BICDL2: variants seen among roughly 807,000 people sequenced by gnomAD.
BICDL2 encodes BICD family-like cargo adapter 2.
In BICDL2, 62 loss-of-function variants were observed where a neutral mutation model predicts 56.6. That is an observed-to-expected ratio of 1.10 (90% confidence interval 0.89 to 1.35). The LOEUF (loss-of-function observed/expected upper bound fraction) is 1.35. Among genes scored for constraint, BICDL2 ranks in the 40% most tolerant of loss-of-function variants. BICDL2 has a pLI of 0.00. For missense variants in BICDL2, 808 were observed against 684.5 expected (o/e 1.18, Z -2.01); for synonymous variants, 358 against 319.8 (o/e 1.12, Z -1.27).
chr16:3,031,453 C>A (rs1184157310), intron 2 of BICDL2: 1 of 530,116 alleles, frequency 1.9e-6, no homozygotes, highest in Non-Finnish European at 3.3e-6. Flanking sequence ...TCGCAAGCGC[C>A]GTTTTTGGCG....
rs939893123 is a variant in BICDL2, at chr16:3,031,066, C to G, written c.367G>C (p.Gly123Arg). 1.4e-5 allele frequency: 22 copies of G among 1,537,634 alleles called. No individual in the cohort carries two copies. The highest frequency in any genetic ancestry group is 6.8e-5 in the African/African-American group (5 of 73,062). ...TGGGCCCGCAGGGCCTCCACGTCCC[C>G]CTCCAGCTCCACGGCCCGGGCCTCC... ...EWEARAVELE[G>R]DVEALRAQLG... Residue 123 changes from glycine to arginine, a missense_variant, in exon 3 of 10, where the codon GGG (glycine) becomes CGG (arginine). Coordinates refer to ENST00000572449, the MANE Select transcript of BICDL2 (RefSeq NM_001369667.1).
intron 2 of BICDL2, among the ~76,000 whole-genome samples, chr16:3,033,662 G>A (rs1299777687): frequency 2.0e-5 from 3 of 152,120 alleles, no homozygotes; most frequent in African/African-American, 7.2e-5. Flanking sequence ...ATGTGTGCCT[G>A]TAGTCCCAAC....
chr16:3,029,718 C>T lies in BICDL2; in HGVS notation c.784G>A (p.Ala262Thr), dbSNP rs746333221. 2.6e-5 allele frequency: 40 copies of T among 1,536,400 alleles called. No individual in the cohort carries two copies. Among genetic ancestry groups the T allele is most frequent in the Admixed American group, 4.0e-5 (2 of 50,196 alleles). ...CGCAGCGCACTCAGCGCCTCCCCAG[C>T]CTCTGACCGTGCGCGTTCCAGCTGT... ...SLELERARSEAGEALSALRRL... is the reference protein window; with the variant it reads ...SLELERARSETGEALSALRRL... The change falls in exon 6 of 10, where the codon GCT becomes ACT. Residue 262 changes from alanine to threonine, a missense_variant. Transcript: ENST00000572449.
Position 3,027,683 on chromosome 16 carries a change from C to T in BICDL2, c.*423G>A. On this transcript the variant is annotated 3_prime_UTR_variant, in exon 10 of 10. Coordinates refer to ENST00000572449, the MANE Select transcript of BICDL2 (RefSeq NM_001369667.1). ...TCTCTGACGACACCCCCAGCCAGCT[C>T]AGGGTTTTAGAGTGTTTTTCATTTT... 1 of 1,594,816 alleles carries T rather than the reference C, an allele frequency of 6.3e-7. No homozygotes were observed. Among genetic ancestry groups the T allele is most frequent in the Non-Finnish European group, 8.5e-7 (1 of 1,169,892 alleles).
Position 3,027,894 on chromosome 16 carries a change from C to T in BICDL2, c.*212G>A, listed in dbSNP as rs1439683954. ...TATTAATTCGGAAAATAGCTCTGTTCACCTGCCCCTGCCACCCACCTGGAG... is the reference window on the plus strand; with the variant it reads ...TATTAATTCGGAAAATAGCTCTGTTTACCTGCCCCTGCCACCCACCTGGAG... On this transcript the variant is annotated 3_prime_UTR_variant, in exon 10 of 10. Transcript: ENST00000572449. The T allele has an allele frequency of 7.2e-6, 6 of 835,400 alleles. No individual in the cohort carries two copies. In the East Asian group the frequency reaches 1.2e-4, roughly 17 times the overall value. 51.7% of individuals were successfully genotyped at this position (835,400 alleles called of 1,614,324 possible).
At chr16:3,036,561 C>G in intron 1 of BICDL2, 1 of 451,872 alleles carries the variant, frequency 2.2e-6, no homozygotes, top group South Asian at 1.6e-5. Flanking sequence ...CAGCCGCCCC[C>G]AGGCCGCTCC....
chr16:3,036,432 C>T (rs764633186), intron 1 of BICDL2: 1 of 456,232 alleles, frequency 2.2e-6, no homozygotes, highest in Non-Finnish European at 4.4e-6. Flanking sequence ...TTACCAGCCC[C>T]AGCCCTCCGG....
rs754671722 is a variant in BICDL2, at chr16:3,030,828, G to A, written c.499-16C>T. 3 of 1,593,750 alleles carry A rather than the reference G, an allele frequency of 1.9e-6. No individual in the cohort carries two copies. Among genetic ancestry groups the A allele is most frequent in the Non-Finnish European group, 2.6e-6 (3 of 1,172,050 alleles). ...TCTGGGAGGCCTGGGGAGGTGGAAA[G>A]AGGGACAGAGGAGCCTCAGCACCAA... is the stretch of plus-strand genomic sequence containing the variant. On this transcript the variant is annotated splice_polypyrimidine_tract_variant and intron_variant, in intron 3 of 9. Coordinates refer to ENST00000572449, the MANE Select transcript of BICDL2 (RefSeq NM_001369667.1).
At position 3,028,721 on chromosome 16, in the gene BICDL2, T is replaced by A. The variant is rs1429941616; in HGVS notation, c.1217A>T (p.Asp406Val). Residue 406 changes from aspartate to valine, a missense_variant, in exon 8 of 10, where the codon GAC becomes GTC. By Grantham distance (152) the Asp-to-Val change is radical. Transcript: ENST00000572449. The part of the protein sequence containing the change: ...PGEALHSALS[D>V]RDEAVNKALE... ...TTACTTGTTCACGGCCTCGTCCCGGTCTGAGAGGGCACTGTGCAGGGCCTC... is the reference window on the plus strand; with the variant it reads ...TTACTTGTTCACGGCCTCGTCCCGGACTGAGAGGGCACTGTGCAGGGCCTC... 1.3e-6 allele frequency: 2 copies of A among 1,568,348 alleles called. No individual in the cohort carries two copies. Among genetic ancestry groups the A allele is most frequent in the East Asian group, 4.7e-5 (2 of 42,196 alleles).
In BICDL2 at chr16:3,030,482, C is replaced by A. The variant is rs758957934; in HGVS notation, c.729G>T (p.Leu243=). Residue 243 remains leucine, a synonymous_variant, in exon 5 of 10, where the codon CTG becomes CTT. Transcript: ENST00000572449. ...TGTGCTCCCGCCGCTCCCGCCTCAG[C>A]AGCAGCAACTCCTCGTGGGTGGTCT... ...RLQTTHEELL[L]LRRERREHSL... is the part of the protein sequence containing the mutation. 25 of 1,604,220 alleles carry A rather than the reference C, an allele frequency of 1.6e-5. No individual in the cohort carries two copies. In the East Asian group the frequency reaches 5.3e-4, roughly 34 times the overall value.
rs747602304 is a variant in BICDL2 at position 3,035,412 on chromosome 16, A to G, written c.85T>C (p.Phe29Leu). Residue 29 changes from phenylalanine (F) to leucine (L), a missense_variant, in exon 2 of 10, where the codon TTT becomes CTT. Phe to Leu is a conservative substitution (Grantham distance 22). Transcript: ENST00000572449. ...SPSGDEGFFP[F>L]VLERRDSFLG... is the part of the protein sequence containing the mutation. ...AATGAGTCCCGCCGCTCCAGCACAA[A>G]GGGGAAGAAGCCCTCGTCGCCGCTG... The G allele has an allele frequency of 1.9e-6, 3 of 1,612,558 alleles. No homozygotes were observed. The South Asian group carries it at 3.3e-5, about 18-fold the overall frequency.
At chr16:3,029,522 G>T in intron 6 of BICDL2, 23 bp downstream of exon 6, 1 of 1,560,778 alleles carries the variant, frequency 6.4e-7, no homozygotes, top group East Asian at 2.3e-5. Flanking sequence ...ACAGGTAAGG[G>T]GGCTGGGGCC....
At chr16:3,028,858 GCAGA>G in intron 7 of BICDL2, 28 bp from the exon 8 acceptor site, 1 of 1,526,516 alleles carries the variant, frequency 6.6e-7, no homozygotes, top group African/African-American at 1.4e-5. Flanking sequence ...GGGCCGTGCG[GCAGA>G]TGGGCCAATG....
At position 3,031,509 on chromosome 16, in the gene BICDL2, C is replaced by A. The variant is rs1596483237; in HGVS notation, c.283-359G>T. ...AGCCCCGGCCCATGGCAGCACACAC[C>A]TGCTGTGTCCCAGGGGCTCTGGAGG... On this transcript the variant is annotated intron_variant, in intron 2 of 9. Coordinates refer to ENST00000572449, the MANE Select transcript of BICDL2 (RefSeq NM_001369667.1). 6.2e-6 allele frequency: 3 copies of A among 480,526 alleles called. No individual in the cohort carries two copies. The East Asian group carries it at 9.5e-5, about 15-fold the overall frequency. 29.8% of individuals were successfully genotyped at this position (480,526 alleles called of 1,614,324 possible).
rs138116643 is a variant in BICDL2 at position 3,034,192 on chromosome 16, C to G, written c.282+1023G>C. 7.5e-3 allele frequency among the ~76,000 whole-genome samples: 1,136 copies of G among 152,286 alleles called. 4 individuals are homozygous for G. Among genetic ancestry groups the G allele is most frequent in the Non-Finnish European group, 1.0e-2 (680 of 68,030 alleles). ...CACCCATGACTGTCGCCTGGTGTTC[C>G]GCTATACTGCTGAGGAGCTGGACCC... On this transcript the variant is annotated intron_variant, in intron 2 of 9. Transcript: ENST00000572449.
rs758274186 is a variant in BICDL2 at position 3,028,155 on chromosome 16, C to A, written c.1478G>T (p.Gly493Val). The change falls in exon 10 of 10, where the codon GGC becomes GTC. Residue 493 changes from glycine to valine, a missense_variant. By Grantham distance (109) the Gly-to-Val change is moderately radical. Transcript: ENST00000572449. ...RAAPRFSLRL[G>V]PGPAGGFLSN... is the part of the protein sequence containing the mutation. ...GAGAAAGCCACCGGCGGGCCCGGGG[C>A]CCAGGCGCAGCGAGAAGCGGGGCGC... 6.9e-7 allele frequency: 1 copy of A among 1,444,886 alleles called. No individual in the cohort carries two copies. The highest frequency in any genetic ancestry group is 9.0e-7 in the Non-Finnish European group (1 of 1,106,826). 89.5% of individuals were successfully genotyped at this position (1,444,886 alleles called of 1,614,324 possible).
rs200230281 is a variant in BICDL2, at chr16:3,028,484, C to G, written c.1239-16G>C. ...CTCCAGGGCCCTAGGCGGGCAGGAGCAGAAGACGCGTTTGAGGGCGCTAGG... is the reference window on the plus strand; with the variant it reads ...CTCCAGGGCCCTAGGCGGGCAGGAGGAGAAGACGCGTTTGAGGGCGCTAGG... On this transcript the variant is annotated splice_polypyrimidine_tract_variant and intron_variant, in intron 8 of 9. Coordinates refer to ENST00000572449, the MANE Select transcript of BICDL2 (RefSeq NM_001369667.1). 4 of 1,570,730 alleles carry G rather than the reference C, an allele frequency of 2.5e-6. No homozygotes were observed. The African/African-American group carries it at 5.4e-5, about 21-fold the overall frequency.
At chr16:3,031,426 G>A in intron 2 of BICDL2, 1 of 544,390 alleles carries the variant, frequency 1.8e-6, no homozygotes, top group Non-Finnish European at 3.3e-6. Flanking sequence ...CTGCTGCCGG[G>A]GCTTCTGGAC....
In BICDL2 at chr16:3,028,468, C is replaced by T; in HGVS notation, c.1239G>A (p.Lys413=). The T allele has an allele frequency of 6.4e-7, 1 of 1,571,560 alleles. No individual in the cohort carries two copies. The highest frequency in any genetic ancestry group is 8.6e-7 in the Non-Finnish European group (1 of 1,167,608). Residue 413 remains lysine, a splice_region_variant and synonymous_variant, in exon 9 of 10, where the codon AAG becomes AAA. Coordinates refer to ENST00000572449, the MANE Select transcript of BICDL2 (RefSeq NM_001369667.1). The part of the protein sequence containing the change: ...ALSDRDEAVN[K]ALELSLQLNR... ...TGAGCTGCAGGGACAGCTCCAGGGC[C>T]CTAGGCGGGCAGGAGCAGAAGACGC...
Sources: allele counts gnomAD v4.1 joint callset (sites outside exome capture counted in the v4.1 genomes callset), GRCh38; gene constraint gnomAD v4.1.1; transcripts MANE v1.5; gene names NCBI Gene and HGNC (gene_info 2026-07-23, HGNC 2026-07-21).